Variants in RSPO3 observed in about 807,000 individuals in gnomAD.
RSPO3 encodes R-spondin 3, also known as R-spondin-3.
In RSPO3, 17 loss-of-function variants were observed where a neutral mutation model predicts 36.5. The ratio of observed to expected loss-of-function variants is 0.47; its 90% CI spans 0.32 to 0.70. The LOEUF is 0.70. Among genes scored for constraint, RSPO3 ranks in the 30% least tolerant of loss-of-function variants. The pLI is 0.04. For missense variants in RSPO3, 294 were observed against 322.5 expected, an observed-to-expected ratio of 0.91 and a Z score of 0.68; for synonymous variants, 108 against 107.0, an observed-to-expected ratio of 1.01 and a Z score of -0.06.
intron 2 of RSPO3, among the ~76,000 whole-genome samples, chr6:127,149,680 A>G (rs1163344558): frequency 1.3e-5 from 2 of 151,860 alleles, no homozygotes; most frequent in Non-Finnish European, 2.9e-5. Context: ...TGTTTTCCAG[A>G]GCACTTATCA....
chr6:127,157,010 G>T (rs1285419421), intron 4 of RSPO3, among the ~76,000 whole-genome samples: 1 of 152,136 alleles, frequency 6.6e-6, no homozygotes, highest in African/African-American at 2.4e-5. Flanking sequence ...TATTTAAAGA[G>T]AACTTCAAAC....
At chr6:127,141,820 G>GGTGT (rs773125919) in intron 1 of RSPO3, among the ~76,000 whole-genome samples, 1 of 151,988 alleles carries the variant, frequency 6.6e-6, no homozygotes, top group Non-Finnish European at 1.5e-5. Flanking sequence ...TTTGTATGTA[G>GGTGT]GTGTGTGTGT....
At chr6:127,154,009 C>G (rs1296795575) in intron 3 of RSPO3, among the ~76,000 whole-genome samples, 1 of 152,118 alleles carries the variant, frequency 6.6e-6, no homozygotes, top group African/African-American at 2.4e-5. Context: ...TTTCATTTCA[C>G]AGAAACATAA....
intron 4 of RSPO3, among the ~76,000 whole-genome samples, chr6:127,188,055 T>TA (rs1272829941): frequency 6.6e-6 from 1 of 152,140 alleles, no homozygotes; most frequent in East Asian, 1.9e-4. Flanking sequence ...ATGGCCCTTT[T>TA]AAATGGAAGC....
At chr6:127,192,984 C>G (rs1419206967) in intron 4 of RSPO3, among the ~76,000 whole-genome samples, 1 of 152,138 alleles carries the variant, frequency 6.6e-6, no homozygotes, top group African/African-American at 2.4e-5. Context: ...TTGTGTATTT[C>G]TATTTTATTT....
At chr6:127,159,048 G>C (rs1562247374) in intron 4 of RSPO3, among the ~76,000 whole-genome samples, 1 of 152,090 alleles carries the variant, frequency 6.6e-6, no homozygotes, top group African/African-American at 2.4e-5. Context: ...TCCAGTGGTT[G>C]CCAGGTTTTA....
intron 4 of RSPO3, among the ~76,000 whole-genome samples, chr6:127,180,482 G>GAAA: frequency 2.6e-4 from 1 of 3,790 alleles, no homozygotes; most frequent in Non-Finnish European, 5.4e-4. Flanking sequence ...ATATCTGGAA[G>GAAA]AAAACAAAAA....
chr6:127,188,589 C>T (rs1294851383), intron 4 of RSPO3, among the ~76,000 whole-genome samples: 2 of 147,308 alleles, frequency 1.4e-5, no homozygotes, highest in Admixed American at 6.8e-5. Flanking sequence ...TTTCAAGTTA[C>T]ATATATATAT....
chr6:127,126,387 T>G (rs1773939691), intron 1 of RSPO3, among the ~76,000 whole-genome samples: 1 of 152,112 alleles, frequency 6.6e-6, no homozygotes, highest in South Asian at 2.1e-4. Context: ...AATGTCAAAA[T>G]AACATTAATT....
chr6:127,185,704 C>A (rs1775279650), intron 4 of RSPO3, among the ~76,000 whole-genome samples: 1 of 151,936 alleles, frequency 6.6e-6, no homozygotes, highest in African/African-American at 2.4e-5. Flanking sequence ...CATTTTTCCC[C>A]CATAGACCAA....
At chr6:127,182,845 C>A (rs1046064083) in intron 4 of RSPO3, among the ~76,000 whole-genome samples, 6 of 151,958 alleles carry the variant, frequency 3.9e-5, no homozygotes, top group Non-Finnish European at 5.9e-5. Context: ...CAAGATCAGG[C>A]AAGATGGGCT....
intron 1 of RSPO3, among the ~76,000 whole-genome samples, chr6:127,133,507 C>T (rs1360152996): frequency 6.6e-6 from 1 of 152,042 alleles, no homozygotes; most frequent in Non-Finnish European, 1.5e-5. Context: ...AATTCATAAT[C>T]TTTCATTTAT....
At chr6:127,180,498 A>AC (rs1775161397) in intron 4 of RSPO3, among the ~76,000 whole-genome samples, 2 of 148,818 alleles carry the variant, frequency 1.3e-5, no homozygotes, top group Admixed American at 1.3e-4. Flanking sequence ...AAAAAAAAAA[A>AC]AAAAAAAAAA....
At chr6:127,129,636 G>T (rs751023411) in intron 1 of RSPO3, among the ~76,000 whole-genome samples, 32 of 152,016 alleles carry the variant, frequency 2.1e-4, no homozygotes, top group Non-Finnish European at 4.3e-4. Flanking sequence ...AGAAAACAAT[G>T]CTTTTTCACT....
In RSPO3 at chr6:127,199,243, T is replaced by C. The variant is rs186594326; in HGVS notation, c.*3236T>C. Among the ~76,000 whole-genome samples the C allele has an allele frequency of 7.2e-5, 11 of 152,298 alleles. No homozygotes were observed. The highest frequency in any genetic ancestry group is 3.4e-3 in the Middle Eastern group (1 of 294). ...AATTGGCATCATCTCTTTTGCAAGA[T>C]TGTTATGAGAATTAAAAGGTTCTTC... On this transcript the variant is annotated 3_prime_UTR_variant, in exon 5 of 5. Coordinates refer to ENST00000356698, the MANE Select transcript of RSPO3 (RefSeq NM_032784.5).
chr6:127,122,332 A>G (rs754140361), intron 1 of RSPO3, among the ~76,000 whole-genome samples: 30 of 152,250 alleles, frequency 2.0e-4, no homozygotes, highest in Non-Finnish European at 4.3e-4. Flanking sequence ...ATTGGTATAC[A>G]GCTCTTAAAA....
At chr6:127,155,078 T>C (rs1774565602) in intron 3 of RSPO3, among the ~76,000 whole-genome samples, 163 bp from the exon 4 acceptor site, 1 of 152,210 alleles carries the variant, frequency 6.6e-6, no homozygotes, top group East Asian at 1.9e-4. Context: ...ATTTCTGCCT[T>C]TCCCATTCTC....
At chr6:127,189,926 G>C (rs1030255238) in intron 4 of RSPO3, among the ~76,000 whole-genome samples, 8 of 152,038 alleles carry the variant, frequency 5.3e-5, no homozygotes, top group African/African-American at 1.7e-4. Context: ...TACTATATTT[G>C]TTGTAAATTC....
chr6:127,161,968 G>A (rs1400223802), intron 4 of RSPO3, among the ~76,000 whole-genome samples: 1 of 152,118 alleles, frequency 6.6e-6, no homozygotes, highest in Non-Finnish European at 1.5e-5. Context: ...ACAATTTGTG[G>A]CTGGGCAATT....
Sources: allele counts gnomAD v4.1 joint callset (sites outside exome capture counted in the v4.1 genomes callset), GRCh38; gene constraint gnomAD v4.1.1; transcripts MANE v1.5; gene names NCBI Gene and HGNC (gene_info 2026-07-23, HGNC 2026-07-21).